Variants in NELL1 observed in about 807,000 individuals in gnomAD.
The protein encoded by NELL1 is protein kinase C-binding protein NELL1.
Under a neutral mutation model 107.4 loss-of-function variants are expected in NELL1, and 76 were observed. That is an observed-to-expected ratio of 0.71 (90% CI 0.59 to 0.86). The LOEUF is 0.86. Ranked by LOEUF, NELL1 falls within the 40% of genes least tolerant of loss-of-function variation. NELL1 has a pLI of 0.00. For synonymous variants in NELL1, 353 were observed against 341.2 expected (o/e 1.03, Z -0.38); for missense variants, 1,024 against 1,005.5 (o/e 1.02, Z -0.25).
intron 13 of NELL1, chr11:21,170,077 C>A: frequency 1.9e-6 from 2 of 1,046,694 alleles, no homozygotes; most frequent in Non-Finnish European, 1.5e-6. Flanking sequence ...TCTTGGAGTC[C>A]AAGTTCTTTG....
At chr11:20,882,371 G>A (rs1178314298) in intron 4 of NELL1, among the ~76,000 whole-genome samples, 2 of 152,124 alleles carry the variant, frequency 1.3e-5, no homozygotes, top group Admixed American at 6.6e-5. Flanking sequence ...TGAATTTTTA[G>A]TTTACATACA....
intron 12 of NELL1, among the ~76,000 whole-genome samples, chr11:20,961,398 G>T (rs1275498698): frequency 6.6e-6 from 1 of 152,056 alleles, no homozygotes; most frequent in African/African-American, 2.4e-5. Context: ...AGTGATGGCT[G>T]GGCTATTTTT....
chr11:21,067,292 C>T (rs548731726), intron 12 of NELL1, among the ~76,000 whole-genome samples: 3 of 152,242 alleles, frequency 2.0e-5, no homozygotes, highest in South Asian at 4.1e-4. Context: ...TTCTGGACAG[C>T]GCTGAAGTCA....
chr11:21,239,340 C>G (rs1200698045), intron 14 of NELL1, among the ~76,000 whole-genome samples: 2 of 152,000 alleles, frequency 1.3e-5, no homozygotes, highest in African/African-American at 2.4e-5. Context: ...ATACCTATAA[C>G]AGGGATGGAT....
intron 14 of NELL1, among the ~76,000 whole-genome samples, chr11:21,334,692 G>C (rs867579659): frequency 1.3e-5 from 2 of 151,848 alleles, no homozygotes; most frequent in South Asian, 2.1e-4. Flanking sequence ...CTGCCTATTT[G>C]TGTCTTCTGA....
chr11:21,337,536 G>A (rs1379110797), intron 14 of NELL1, among the ~76,000 whole-genome samples: 3 of 152,206 alleles, frequency 2.0e-5, no homozygotes, highest in Non-Finnish European at 2.9e-5. Context: ...CTCTTACATG[G>A]CCCCTGTCAC....
intron 2 of NELL1, among the ~76,000 whole-genome samples, chr11:20,742,456 G>A (rs1339474694): frequency 6.6e-6 from 1 of 152,134 alleles, no homozygotes; most frequent in Non-Finnish European, 1.5e-5. Flanking sequence ...AACTCCATCT[G>A]TAGTAGTCTG....
intron 4 of NELL1, among the ~76,000 whole-genome samples, chr11:20,875,264 C>A (rs557463483): frequency 6.6e-6 from 1 of 152,142 alleles, no homozygotes; most frequent in East Asian, 1.9e-4. Context: ...TAACTTTGGA[C>A]CCTTTTCATT....
At chr11:20,676,520 G>A (rs1315912637) in intron 1 of NELL1, among the ~76,000 whole-genome samples, 2 of 151,336 alleles carry the variant, frequency 1.3e-5, no homozygotes, top group African/African-American at 4.9e-5. Flanking sequence ...CAGGGGACAA[G>A]GGGAAGTCTG....
At position 20,801,492 on chromosome 11, in the gene NELL1, G is replaced by T. The variant is rs140262935; in HGVS notation, c.335+17662G>T. 3.7e-3 allele frequency among the ~76,000 whole-genome samples: 566 copies of T among 152,252 alleles called. 5 individuals carry two copies. Among genetic ancestry groups the T allele is most frequent in the Middle Eastern group, 0.031 (9 of 294 alleles). ...TGGTTATTCATCCTTTGTCAGATGGGTAGTTTGCAAATATTTTCTCCCTTT... is the reference window on the plus strand; with the variant it reads ...TGGTTATTCATCCTTTGTCAGATGGTTAGTTTGCAAATATTTTCTCCCTTT... On this transcript the variant is annotated intron_variant, in intron 3 of 19. Coordinates refer to ENST00000357134, the MANE Select transcript of NELL1 (RefSeq NM_006157.5).
chr11:20,704,129 G>C (rs1854874829), intron 2 of NELL1, among the ~76,000 whole-genome samples: 1 of 152,102 alleles, frequency 6.6e-6, no homozygotes, highest in African/African-American at 2.4e-5. Flanking sequence ...TTATTATTGT[G>C]TGAGAGTCTA....
chr11:20,994,420 A>G (rs1487201296), intron 12 of NELL1, among the ~76,000 whole-genome samples: 6 of 152,232 alleles, frequency 3.9e-5, no homozygotes, highest in South Asian at 2.1e-4. Context: ...TAGCATGCCA[A>G]TTTTTATAAT....
At chr11:21,189,762 T>A (rs1857011455) in intron 13 of NELL1, among the ~76,000 whole-genome samples, 1 of 151,738 alleles carries the variant, frequency 6.6e-6, no homozygotes, top group South Asian at 2.1e-4. Context: ...TTTTAGTTTT[T>A]ATAAGTTTGC....
chr11:21,051,499 A>T (rs1341275591), intron 12 of NELL1, among the ~76,000 whole-genome samples: 1 of 152,136 alleles, frequency 6.6e-6, no homozygotes, highest in Non-Finnish European at 1.5e-5. Context: ...TATTAATGTA[A>T]CTAAACACCA....
intron 12 of NELL1, among the ~76,000 whole-genome samples, chr11:21,036,371 T>C (rs2134324534): frequency 1.3e-5 from 2 of 152,212 alleles, no homozygotes. Flanking sequence ...TTCACAGAGC[T>C]AGAGAAAACT....
intron 15 of NELL1, among the ~76,000 whole-genome samples, chr11:21,384,811 G>A (rs981596498): frequency 9.9e-5 from 15 of 151,964 alleles, no homozygotes; most frequent in African/African-American, 3.4e-4. Flanking sequence ...ATTCCATGGT[G>A]TATATGTGAC....
chr11:20,822,012 C>T (rs1857765372), intron 3 of NELL1, among the ~76,000 whole-genome samples: 2 of 152,148 alleles, frequency 1.3e-5, no homozygotes, highest in Non-Finnish European at 2.9e-5. Context: ...AAGGCTTCTA[C>T]CAAGGATATT....
At chr11:21,502,855 CTTT>C (rs908163822) in intron 15 of NELL1, among the ~76,000 whole-genome samples, 6 of 152,070 alleles carry the variant, frequency 3.9e-5, no homozygotes, top group African/African-American at 9.7e-5. Flanking sequence ...AATTTCCTAT[CTTT>C]TTTATTTTTT....
intron 13 of NELL1, among the ~76,000 whole-genome samples, chr11:21,162,151 A>G (rs971477529): frequency 6.6e-6 from 1 of 152,002 alleles, no homozygotes; most frequent in Non-Finnish European, 1.5e-5. Flanking sequence ...GGATTTCACC[A>G]TGTTGACCAG....
Sources: gnomAD v4.1 joint callset for allele counts (sites outside exome capture counted in the v4.1 genomes callset) on GRCh38, gnomAD v4.1.1 for gene constraint, MANE v1.5 for transcripts, NCBI Gene and HGNC (gene_info 2026-07-23, HGNC 2026-07-21) for gene names.